The following ZFAT variants were observed in gnomAD, a reference collection of about 807,000 sequenced individuals.
The protein encoded by ZFAT is zinc finger and AT-hook domain containing.
A neutral mutation model predicts 117.7 loss-of-function variants in ZFAT; 64 were observed. The ratio of observed to expected loss-of-function variants is 0.54; its 90% confidence interval spans 0.44 to 0.67. ZFAT has a LOEUF of 0.67. Among genes scored for constraint, ZFAT ranks in the 30% least tolerant of loss-of-function variants. ZFAT has a pLI of 0.00. For missense variants in ZFAT, 1,433 were observed against 1,584.5 expected, an observed-to-expected ratio of 0.90 and a Z score of 1.62; for synonymous variants, 679 against 615.0, an observed-to-expected ratio of 1.10 and a Z score of -1.54.
the ZFAT span, chr8:134,764,713 T>C: frequency 2.0e-5 from 3 of 152,258 alleles, no homozygotes; most frequent in Non-Finnish European, 4.4e-5. Context: ...TGCATTTAAA[T>C]GTACAGTATT....
chr8:134,788,189 C>T, the ZFAT span, among the ~76,000 whole-genome samples: 1 of 152,038 alleles, frequency 6.6e-6, no homozygotes, highest in Non-Finnish European at 1.5e-5. Flanking sequence ...TTTCGTTGCT[C>T]TTCTTTTTCC....
At chr8:134,581,882 G>A (rs375046174) in intron 10 of ZFAT, among the ~76,000 whole-genome samples, 12 of 152,244 alleles carry the variant, frequency 7.9e-5, no homozygotes, top group South Asian at 6.2e-4. Flanking sequence ...GAGCCACTGT[G>A]CCCGACCTGG....
intron 7 of ZFAT, 26 bp from the exon 8 acceptor site, chr8:134,590,381 T>A: frequency 6.4e-7 from 1 of 1,572,020 alleles, no homozygotes; most frequent in Non-Finnish European, 8.7e-7. Flanking sequence ...ACATAATCAG[T>A]TGACTTTCTC....
chr8:134,778,351 C>T, the ZFAT span, among the ~76,000 whole-genome samples: 1 of 152,186 alleles, frequency 6.6e-6, no homozygotes, highest in Non-Finnish European at 1.5e-5. Context: ...GGAAGTATGT[C>T]AGGTCTACTC....
chr8:134,637,032 T>G (rs190093780), intron 3 of ZFAT, among the ~76,000 whole-genome samples: 4 of 152,214 alleles, frequency 2.6e-5, no homozygotes, highest in Admixed American at 6.5e-5. Flanking sequence ...CACTAAGACG[T>G]CCTTCCTTCA....
At chr8:134,501,454 C>A (rs868688342) in intron 15 of ZFAT, among the ~76,000 whole-genome samples, 1 of 152,086 alleles carries the variant, frequency 6.6e-6, no homozygotes, top group African/African-American at 2.4e-5. Flanking sequence ...ACCATCAATT[C>A]TTTTACAATT....
chr8:134,590,593 C>CCACCACCAGCACTATCAATAGTCAT (rs1281551605), intron 7 of ZFAT, among the ~76,000 whole-genome samples: 2 of 151,602 alleles, frequency 1.3e-5, no homozygotes, highest in Admixed American at 6.6e-5. Flanking sequence ...ATCATCATCA[C>CCACCACCAGCACTATCAATAGTCAT]CACCACCAGC....
chr8:134,757,208 GTT>G, the ZFAT span, among the ~76,000 whole-genome samples: 1 of 151,672 alleles, frequency 6.6e-6, no homozygotes, highest in Non-Finnish European at 1.5e-5. Context: ...GTAGAGGTGG[GTT>G]TTCACCATGT....
At chr8:134,622,548 C>T (rs1017621039) in intron 3 of ZFAT, among the ~76,000 whole-genome samples, 2 of 152,098 alleles carry the variant, frequency 1.3e-5, no homozygotes, top group Non-Finnish European at 2.9e-5. Flanking sequence ...GAGACCCGAG[C>T]GTGTCCCTTT....
intron 3 of ZFAT, among the ~76,000 whole-genome samples, chr8:134,619,795 T>TG (rs1828988586): frequency 6.6e-6 from 1 of 152,214 alleles, no homozygotes; most frequent in Non-Finnish European, 1.5e-5. Flanking sequence ...GAGGCAGGAC[T>TG]GCTCCCAAGC....
chr8:134,829,106 A>C, the ZFAT span, among the ~76,000 whole-genome samples: 5 of 152,334 alleles, frequency 3.3e-5, no homozygotes, highest in Admixed American at 3.3e-4. Flanking sequence ...GTTCCTGACA[A>C]ACCTGATCAT....
intron 11 of ZFAT, among the ~76,000 whole-genome samples, chr8:134,564,468 G>A (rs1824281718): frequency 6.6e-6 from 1 of 152,164 alleles, no homozygotes; most frequent in Non-Finnish European, 1.5e-5. Flanking sequence ...GACAGTTTGG[G>A]GCACTGCCTG....
At chr8:134,607,255 T>C (rs987961319) in intron 5 of ZFAT, among the ~76,000 whole-genome samples, 4 of 152,228 alleles carry the variant, frequency 2.6e-5, no homozygotes, top group Admixed American at 2.6e-4. Flanking sequence ...AATTCTATTA[T>C]GAATTCACCA....
At chr8:134,819,363 AAAG>A in the ZFAT span, among the ~76,000 whole-genome samples, 1 of 152,128 alleles carries the variant, frequency 6.6e-6, no homozygotes, top group Non-Finnish European at 1.5e-5. Context: ...GGAGACAGCA[AAAG>A]AAAAGTAATC....
intron 2 of ZFAT, among the ~76,000 whole-genome samples, chr8:134,639,194 C>T (rs1830444176): frequency 6.6e-6 from 1 of 152,158 alleles, no homozygotes; most frequent in African/African-American, 2.4e-5. Flanking sequence ...GCAGAGTCTG[C>T]AGGGACACAA....
chr8:134,693,765 C>T (rs1486361183), intron 1 of ZFAT, among the ~76,000 whole-genome samples: 2 of 152,094 alleles, frequency 1.3e-5, no homozygotes, highest in African/African-American at 2.4e-5. Context: ...TGAAGAAAGT[C>T]CTTGGAGTGA....
intron 1 of ZFAT, among the ~76,000 whole-genome samples, chr8:134,700,948 A>G (rs564730366): frequency 6.6e-6 from 1 of 152,166 alleles, no homozygotes; most frequent in South Asian, 2.1e-4. Context: ...CCAAGTGCCC[A>G]CACCAAGCTT....
At chr8:134,725,031 T>A in the ZFAT span, among the ~76,000 whole-genome samples, 49 of 152,138 alleles carry the variant, frequency 3.2e-4, no homozygotes, top group East Asian at 8.9e-3. Context: ...CAGCCCCCCA[T>A]CTGCTCCTAC....
chr8:134,793,366 A>G, the ZFAT span: 2 of 152,198 alleles, frequency 1.3e-5, no homozygotes, highest in African/African-American at 4.8e-5. Flanking sequence ...TACTATTAAG[A>G]CTTGACACTG....
Sources: gnomAD v4.1 joint callset for allele counts (sites outside exome capture counted in the v4.1 genomes callset) on GRCh38, gnomAD v4.1.1 for gene constraint, MANE v1.5 for transcripts, NCBI Gene and HGNC (gene_info 2026-07-23, HGNC 2026-07-21) for gene names.